Variants in MAPKAP1 observed in about 807,000 individuals in gnomAD.
MAPKAP1 encodes target of rapamycin complex 2 subunit MAPKAP1.
Under a neutral mutation model 65.7 loss-of-function variants are expected in MAPKAP1, and 20 were observed. The ratio of observed to expected loss-of-function variants is 0.30; its 90% confidence interval spans 0.21 to 0.44. MAPKAP1 has a LOEUF of 0.44. Among genes scored for constraint, MAPKAP1 ranks in the 20% least tolerant of loss-of-function variants. The pLI is 1.00. For missense variants in MAPKAP1, 423 were observed against 648.0 expected, an observed-to-expected ratio of 0.65 and a Z score of 3.77; for synonymous variants, 222 against 244.3, an observed-to-expected ratio of 0.91 and a Z score of 0.85.
At chr9:125,466,902 C>T (rs1161087284) in intron 10 of MAPKAP1, among the ~76,000 whole-genome samples, 1 of 152,266 alleles carries the variant, frequency 6.6e-6, no homozygotes, top group African/African-American at 2.4e-5. Context: ...TATCAGCCCC[C>T]GTCAGCCCCT....
chr9:125,694,335 A>C (rs1193362565), intron 1 of MAPKAP1, among the ~76,000 whole-genome samples: 1 of 152,170 alleles, frequency 6.6e-6, no homozygotes, highest in African/African-American at 2.4e-5. Context: ...TTCCAAAAAA[A>C]AAAAAGTTTT....
At chr9:125,693,548 C>T (rs533898788) in intron 1 of MAPKAP1, among the ~76,000 whole-genome samples, 10 of 129,436 alleles carry the variant, frequency 7.7e-5, no homozygotes, top group African/African-American at 2.8e-4. Flanking sequence ...CACATATATA[C>T]ATATACACAC....
rs67605427 is a variant in MAPKAP1, at chr9:125,563,731, T to TTATTATTA, written c.672-3923_672-3922insTAATAATA. On this transcript the variant is annotated intron_variant, in intron 5 of 11. Transcript: ENST00000265960. ...TATTATTATTATTATTATTATTATT[T>TTATTATTA]TTGAGATGGAGTCTTGCTCTTGTCA... Among the ~76,000 whole-genome samples the TTATTATTA allele has an allele frequency of 9.0e-4, 130 of 144,988 alleles. 1 individual carries two copies. Among genetic ancestry groups the TTATTATTA allele is most frequent in the South Asian group, 1.1e-3 (5 of 4,480 alleles).
chr9:125,524,826 T>C (rs1271336796), intron 7 of MAPKAP1, among the ~76,000 whole-genome samples: 1 of 152,248 alleles, frequency 6.6e-6, no homozygotes, highest in Non-Finnish European at 1.5e-5. Context: ...TGGGAAGTCC[T>C]GCTGAAAAGA....
intron 4 of MAPKAP1, among the ~76,000 whole-genome samples, chr9:125,606,334 A>G (rs1238814089): frequency 2.0e-5 from 3 of 152,214 alleles, no homozygotes; most frequent in Non-Finnish European, 2.9e-5. Context: ...GCTCTAAATT[A>G]TTCTGCAGAA....
At chr9:125,544,199 T>G (rs555071330) in intron 6 of MAPKAP1, among the ~76,000 whole-genome samples, 2 of 151,880 alleles carry the variant, frequency 1.3e-5, no homozygotes, top group African/African-American at 4.8e-5. Flanking sequence ...TTAGTAGAGA[T>G]GGGTTTCACC....
intron 4 of MAPKAP1, among the ~76,000 whole-genome samples, chr9:125,603,929 AT>A (rs1361888018): frequency 6.6e-6 from 1 of 151,968 alleles, no homozygotes; most frequent in African/African-American, 2.4e-5. Flanking sequence ...GCCAAGAAAC[AT>A]TTTATTTTTT....
At chr9:125,645,152 T>C (rs1833689874) in intron 4 of MAPKAP1, among the ~76,000 whole-genome samples, 1 of 152,084 alleles carries the variant, frequency 6.6e-6, no homozygotes, top group Non-Finnish European at 1.5e-5. Context: ...AAAGGGACAC[T>C]AGAGCCAAGG....
intron 8 of MAPKAP1, among the ~76,000 whole-genome samples, chr9:125,486,232 C>T (rs1854496654): frequency 6.6e-6 from 1 of 152,198 alleles, no homozygotes; most frequent in African/African-American, 2.4e-5. Flanking sequence ...GGGAGGCTGT[C>T]ACATGCCAAG....
At chr9:125,673,251 A>G (rs1195902552) in intron 1 of MAPKAP1, among the ~76,000 whole-genome samples, 1 of 152,166 alleles carries the variant, frequency 6.6e-6, no homozygotes, top group Non-Finnish European at 1.5e-5. Context: ...TTTCTGAGAC[A>G]GGGTATCGCG....
chr9:125,706,952 C>T lies in MAPKAP1; in HGVS notation c.-70+19G>A. 1 of 392,486 alleles carries T rather than the reference C, an allele frequency of 2.5e-6. No individual in the cohort carries two copies. The highest frequency in any genetic ancestry group is 4.5e-6 in the Non-Finnish European group (1 of 222,562). The allele number at this position is 392,486 out of a possible 1,614,324, so 24.3% of individuals were successfully genotyped here. On this transcript the variant is annotated intron_variant, in intron 1 of 11. Transcript: ENST00000265960. ...GGCTGACGGACGGGCGGGGAGCTGGCGGCTGGGGCAACCTTTACCTGAAGC... is the reference window on the plus strand; with the variant it reads ...GGCTGACGGACGGGCGGGGAGCTGGTGGCTGGGGCAACCTTTACCTGAAGC...
At chr9:125,442,013 C>T (rs959811569) in intron 11 of MAPKAP1, among the ~76,000 whole-genome samples, 1 of 151,022 alleles carries the variant, frequency 6.6e-6, no homozygotes, top group African/African-American at 2.4e-5. Context: ...CCTGTAATCC[C>T]AGCTACTCGG....
chr9:125,594,861 T>C (rs368692852), intron 4 of MAPKAP1, among the ~76,000 whole-genome samples: 5 of 152,176 alleles, frequency 3.3e-5, no homozygotes, highest in African/African-American at 9.7e-5. Flanking sequence ...CCACCGGACC[T>C]ACCAATTCTC....
rs529093745 is a variant in MAPKAP1 at position 125,483,002 on chromosome 9, G to A, written c.1207+1441C>T. ...AAACTGGGGCTCTGCATCATTTGCC[G>A]GTGGTGATACAGCTAATAAACGAGC... On this transcript the variant is annotated intron_variant, in intron 9 of 11. Transcript: ENST00000265960. Among the ~76,000 whole-genome samples the A allele has an allele frequency of 1.2e-4, 19 of 152,254 alleles. No individual in the cohort carries two copies. The South Asian group carries it at 3.3e-3, about 27-fold the overall frequency.
chr9:125,453,160 C>T (rs1452393253), intron 10 of MAPKAP1, among the ~76,000 whole-genome samples: 1 of 152,164 alleles, frequency 6.6e-6, no homozygotes, highest in African/African-American at 2.4e-5. Flanking sequence ...TGGGTTCAAG[C>T]AATTCTCCTG....
At chr9:125,669,243 G>A (rs993426392) in intron 3 of MAPKAP1, among the ~76,000 whole-genome samples, 2 of 151,242 alleles carry the variant, frequency 1.3e-5, no homozygotes, top group Non-Finnish European at 2.9e-5. Flanking sequence ...CACCTCAGGA[G>A]GCCACGGTGG....
At chr9:125,645,162 G>A (rs1262406133) in intron 4 of MAPKAP1, among the ~76,000 whole-genome samples, 1 of 152,120 alleles carries the variant, frequency 6.6e-6, no homozygotes, top group African/African-American at 2.4e-5. Flanking sequence ...TAGAGCCAAG[G>A]GGGACCTGAA....
intron 6 of MAPKAP1, among the ~76,000 whole-genome samples, chr9:125,554,401 G>A (rs1830674385): frequency 1.3e-5 from 2 of 152,194 alleles, no homozygotes; most frequent in Admixed American, 1.3e-4. Flanking sequence ...GCATCAGGGA[G>A]TGCTCATAGA....
At position 125,698,301 on chromosome 9, in the gene MAPKAP1, AT is replaced by A. The variant is rs1474370879; in HGVS notation, c.-70+8669del. 5.0e-3 allele frequency among the ~76,000 whole-genome samples: 80 copies of A among 16,096 alleles called. 1 individual carries two copies. The highest frequency in any genetic ancestry group is 0.018 in the East Asian group (17 of 948). The allele number at this position is 16,096 out of a possible 152,430, so 10.6% of individuals were successfully genotyped here. A position where few individuals can be genotyped will look rare whatever the true frequency, so the allele number is the denominator to read the frequency against. ...ATAATATATATAAATATATATATAT[AT>A]ATATATATATATATATATATATATA... On this transcript the variant is annotated intron_variant, in intron 1 of 11. Transcript: ENST00000265960.
Sources: gnomAD v4.1 joint callset for allele counts (sites outside exome capture counted in the v4.1 genomes callset) on GRCh38, gnomAD v4.1.1 for gene constraint, MANE v1.5 for transcripts, NCBI Gene and HGNC (gene_info 2026-07-23, HGNC 2026-07-21) for gene names.